GLRB: variants seen among roughly 807,000 people sequenced by gnomAD.
GLRB encodes glycine receptor beta, also known as glycine receptor subunit beta.
GLRB carries 33 observed loss-of-function variants against 54.2 expected under a neutral mutation model. That is an observed-to-expected ratio of 0.61 (90% CI 0.46 to 0.81). GLRB has a LOEUF of 0.81. Among genes scored for constraint, GLRB ranks in the 40% least tolerant of loss-of-function variants. GLRB has a pLI of 0.00. For missense variants in GLRB, 572 were observed against 584.6 expected, an observed-to-expected ratio of 0.98 and a Z score of 0.22; for synonymous variants, 209 against 208.2, an observed-to-expected ratio of 1.00 and a Z score of -0.03.
chr4:157,110,092 G>A (rs968810050), intron 2 of GLRB, among the ~76,000 whole-genome samples: 6 of 151,880 alleles, frequency 4.0e-5, no homozygotes, highest in African/African-American at 1.5e-4. Context: ...GTGGGAATAA[G>A]GCTGAAAGTC....
In GLRB at chr4:157,170,516, A is replaced by G. The variant is rs1340524301; in HGVS notation, c.1282A>G (p.Arg428Gly). The G allele has an allele frequency of 3.7e-6, 6 of 1,610,986 alleles. No homozygotes were observed. Among genetic ancestry groups the G allele is most frequent in the Middle Eastern group, 1.6e-4 (1 of 6,080 alleles). The change falls in exon 10 of 10, where the codon AGA becomes GGA. Residue 428 changes from arginine (R) to glycine (G), a missense_variant. By Grantham distance (125) the Arg-to-Gly change is moderately radical. Coordinates refer to ENST00000264428, the MANE Select transcript of GLRB (RefSeq NM_000824.5). ...CTTCAGCATTGTTGGAAGCTTACCA[A>G]GAGATTTTGAACTATCCAATTATGA... The part of the protein sequence containing the change: ...NDFSIVGSLP[R>G]DFELSNYDCY...
rs532609192 is a variant in GLRB at position 157,144,065 on chromosome 4, C to T, written c.904+106C>T. On this transcript the variant is annotated intron_variant, in intron 8 of 9. Coordinates refer to ENST00000264428, the MANE Select transcript of GLRB (RefSeq NM_000824.5). The stretch of plus-strand genomic sequence containing the variant: ...AACAATGAGTTTTAGAATTGTTAGC[C>T]ACCAATTTCGGTGTTTAAAGACTTT... 2.3e-5 allele frequency: 27 copies of T among 1,193,078 alleles called. No homozygotes were observed. The African/African-American group carries it at 3.6e-4, about 16-fold the overall frequency. 73.9% of individuals were successfully genotyped at this position (1,193,078 alleles called of 1,614,324 possible).
intron 2 of GLRB, among the ~76,000 whole-genome samples, chr4:157,096,889 C>G: frequency 6.6e-6 from 1 of 152,176 alleles, no homozygotes; most frequent in East Asian, 1.9e-4. Flanking sequence ...ACTTTGTTAT[C>G]CCAAGGCATT....
In GLRB at chr4:157,125,249, G is replaced by T. The variant is rs907392742; in HGVS notation, c.297+2852G>T. Among the ~76,000 whole-genome samples the T allele has an allele frequency of 4.6e-5, 7 of 151,834 alleles. No homozygotes were observed. The East Asian group carries it at 1.4e-3, about 30-fold the overall frequency. On this transcript the variant is annotated intron_variant, in intron 4 of 9. Coordinates refer to ENST00000264428, the MANE Select transcript of GLRB (RefSeq NM_000824.5). The stretch of plus-strand genomic sequence containing the variant: ...AAAATAATAAAAATAAACAAAAAAA[G>T]TTCCCCAAAACAAGAGTTTGAGAAA...
chr4:157,127,982 TA>T (rs113397563), intron 4 of GLRB, among the ~76,000 whole-genome samples: 2 of 151,894 alleles, frequency 1.3e-5, no homozygotes, highest in Non-Finnish European at 2.9e-5. Flanking sequence ...CATTTGTTAG[TA>T]ATTTTTTTCC....
At chr4:157,133,314 C>T (rs1012961279) in intron 4 of GLRB, among the ~76,000 whole-genome samples, 1 of 151,756 alleles carries the variant, frequency 6.6e-6, no homozygotes, top group African/African-American at 2.4e-5. Flanking sequence ...GAATTTGAGG[C>T]TCAGAGAAGT....
chr4:157,092,954 A>G (rs73856825), intron 2 of GLRB, among the ~76,000 whole-genome samples: 380 of 152,254 alleles, frequency 2.5e-3, no homozygotes, highest in African/African-American at 8.8e-3. Context: ...AGCTAGTGGC[A>G]GATTTGGCAG....
intron 9 of GLRB, among the ~76,000 whole-genome samples, chr4:157,169,149 G>A (rs1232276896): frequency 6.6e-6 from 1 of 151,990 alleles, no homozygotes; most frequent in South Asian, 2.1e-4. Context: ...ATTAGTCAAT[G>A]TATTAATTAT....
At chr4:157,101,829 T>G (rs1735040603) in intron 2 of GLRB, among the ~76,000 whole-genome samples, 5 of 145,086 alleles carry the variant, frequency 3.4e-5, no homozygotes, top group East Asian at 2.2e-4. Flanking sequence ...GGGGGAGGGT[T>G]TGGGGTTGGG....
chr4:157,093,305 C>T (rs1313253535), intron 2 of GLRB, among the ~76,000 whole-genome samples: 1 of 152,166 alleles, frequency 6.6e-6, no homozygotes, highest in Non-Finnish European at 1.5e-5. Flanking sequence ...TGTCAATGGA[C>T]ATTTTGTAAA....
At chr4:157,170,377 T>A (rs1339060392) in intron 9 of GLRB, 55 bp from the exon 10 acceptor site, 1 of 989,528 alleles carries the variant, frequency 1.0e-6, no homozygotes, top group Non-Finnish European at 1.6e-6. Flanking sequence ...TTTGAAGAGA[T>A]GTGTTTCGTA....
chr4:157,140,574 C>T (rs1343586277), intron 7 of GLRB, among the ~76,000 whole-genome samples: 1 of 151,936 alleles, frequency 6.6e-6, no homozygotes, highest in Non-Finnish European at 1.5e-5. Context: ...AATTATTTAA[C>T]TTAATCATCC....
rs141753235 is a variant in GLRB, at chr4:157,090,475, T to C, written c.122+12329T>C. Among the ~76,000 whole-genome samples, 13 of 152,324 alleles carry C rather than the reference T, an allele frequency of 8.5e-5. No homozygotes were observed. The South Asian group carries it at 1.0e-3, about 12-fold the overall frequency. On this transcript the variant is annotated intron_variant, in intron 2 of 9. Transcript: ENST00000264428. ...TTTTGGTTGAAGTACGTGAAGACAT[T>C]ATGACTTCATGCAGACATAAAATTG...
intron 2 of GLRB, among the ~76,000 whole-genome samples, chr4:157,082,138 C>T (rs1734242664): frequency 6.6e-6 from 1 of 152,112 alleles, no homozygotes; most frequent in Non-Finnish European, 1.5e-5. Context: ...TCTGTGTATA[C>T]AGCCCGTACC....
chr4:157,132,210 G>T (rs141431908), intron 4 of GLRB, among the ~76,000 whole-genome samples: 27 of 151,842 alleles, frequency 1.8e-4, no homozygotes, highest in African/African-American at 5.3e-4. Flanking sequence ...ATTCTTTGGG[G>T]TAGTATCTGT....
rs1324660332 is a variant in GLRB, at chr4:157,170,611, TCCC to T, written c.1380_1382del (p.Pro461del). 18 of 1,612,014 alleles carry T rather than the reference TCCC, an allele frequency of 1.1e-5. No individual in the cohort carries two copies. The highest frequency in any genetic ancestry group is 1.4e-5 in the Non-Finnish European group (17 of 1,178,426). ...CTCAGGCTAAGAACAACAAGAAGCC[TCCC>T]CCTGCGAAACCTGTTATTCCAACAG... On this transcript the variant is annotated inframe_deletion, in exon 10 of 10. Transcript: ENST00000264428.
intron 9 of GLRB, among the ~76,000 whole-genome samples, chr4:157,157,735 A>G (rs1294108536): frequency 6.6e-6 from 1 of 152,164 alleles, no homozygotes; most frequent in Non-Finnish European, 1.5e-5. Context: ...AATCCAGTCT[A>G]TCATTGATGG....
At chr4:157,122,231 G>T in intron 3 of GLRB, 99 bp from the exon 4 acceptor site, 1 of 550,370 alleles carries the variant, frequency 1.8e-6, no homozygotes. Flanking sequence ...ATATGGATTG[G>T]AAAAAATATA....
At chr4:157,150,111 C>G (rs1736963333) in intron 8 of GLRB, among the ~76,000 whole-genome samples, 1 of 152,018 alleles carries the variant, frequency 6.6e-6, no homozygotes, top group Non-Finnish European at 1.5e-5. Context: ...TCAACCCTGA[C>G]TTGTTTATGG....
Sources: gnomAD v4.1 joint callset for allele counts (sites outside exome capture counted in the v4.1 genomes callset) on GRCh38, gnomAD v4.1.1 for gene constraint, MANE v1.5 for transcripts, NCBI Gene and HGNC (gene_info 2026-07-23, HGNC 2026-07-21) for gene names.